Variants in BBIP1 observed in about 807,000 individuals in gnomAD.
BBIP1 encodes BBSome-interacting protein 1.
Under a neutral mutation model 8.9 loss-of-function variants are expected in BBIP1, and 6 were observed. The observed-to-expected ratio is 0.67, with a 90% CI of 0.37 to 1.33. The LOEUF is 1.33. BBIP1 is among the 40% of genes most tolerant of loss of function. BBIP1 has a pLI of 0.02. For synonymous variants in BBIP1, 32 were observed against 33.4 expected (o/e 0.96, Z 0.14); for missense variants, 111 against 109.2 (o/e 1.02, Z -0.07).
chr10:110,905,316 C>T (rs531916081), intron 2 of BBIP1, among the ~76,000 whole-genome samples: 2 of 152,030 alleles, frequency 1.3e-5, no homozygotes, highest in South Asian at 4.2e-4. Flanking sequence ...GTAATCCCAG[C>T]ACTTTGGGAG....
At chr10:110,916,675 C>CT (rs1846410213) in intron 2 of BBIP1, among the ~76,000 whole-genome samples, 1 of 152,210 alleles carries the variant, frequency 6.6e-6, no homozygotes, top group Admixed American at 6.5e-5. Context: ...GCCCACACAT[C>CT]TTTCAACAAT....
chr10:110,910,529 A>T (rs1846250967), intron 2 of BBIP1: 1 of 152,266 alleles, frequency 6.6e-6, no homozygotes, highest in African/African-American at 2.4e-5. Context: ...GGAGATTAGT[A>T]AGGAAGCTAT....
At chr10:110,917,955 T>G (rs1846463095) in intron 2 of BBIP1, 166 bp downstream of exon 2, 3 of 630,182 alleles carry the variant, frequency 4.8e-6, no homozygotes, top group South Asian at 3.9e-5. Context: ...AGATACAGAA[T>G]CACAAAAGGT....
chr10:110,912,147 T>G (rs554090524), intron 2 of BBIP1: 20 of 148,796 alleles, frequency 1.3e-4, no homozygotes, highest in African/African-American at 4.3e-4. Flanking sequence ...ATGTAGCTTT[T>G]CTTTTCTTTT....
chr10:110,902,970 C>G (rs1564690400), intron 2 of BBIP1: 1 of 151,898 alleles, frequency 6.6e-6, no homozygotes, highest in Non-Finnish European at 1.5e-5. Flanking sequence ...ATTGCAGACC[C>G]CCTGATTAGC....
chr10:110,909,248 A>G (rs1378503747), intron 2 of BBIP1, among the ~76,000 whole-genome samples: 1 of 151,710 alleles, frequency 6.6e-6, no homozygotes, highest in East Asian at 1.9e-4. Flanking sequence ...ACCAGGCTGG[A>G]GTGCAGTGGC....
intron 2 of BBIP1, chr10:110,911,638 A>T (rs1846279053): frequency 6.6e-6 from 1 of 151,794 alleles, no homozygotes. Context: ...GTAAAATTAT[A>T]TATTGGGTAC....
At chr10:110,902,258 C>G (rs969288827) in intron 2 of BBIP1, 1 of 153,270 alleles carries the variant, frequency 6.5e-6, no homozygotes, top group African/African-American at 2.4e-5. Flanking sequence ...GCGAAAGGAC[C>G]AACAATATTT....
chr10:110,900,702 T>C (rs1428232117), intron 3 of BBIP1, 176 bp from the exon 4 acceptor site: 21 of 572,094 alleles, frequency 3.7e-5, no homozygotes, highest in Non-Finnish European at 5.9e-5. Context: ...ATAAGCGCAT[T>C]TCTTACTAGT....
At chr10:110,900,687 A>G (rs970619537) in intron 3 of BBIP1, 161 bp from the exon 4 acceptor site, 1 of 618,048 alleles carries the variant, frequency 1.6e-6, no homozygotes, top group Non-Finnish European at 2.7e-6. Flanking sequence ...GATCATTGTC[A>G]TTCTATAAGC....
chr10:110,903,140 A>G (rs1846045823), intron 2 of BBIP1: 1 of 152,242 alleles, frequency 6.6e-6, no homozygotes, highest in Non-Finnish European at 1.5e-5. Flanking sequence ...AAGGAAATAC[A>G]TAGGAGCTAA....
rs1211639143 is a variant in BBIP1, at chr10:110,899,772, G to C, written c.*588C>G. ...AGATGGTGCCATTGCTCTCGTTTGG[G>C]CAACAAGAGTGAAACTCTTGTCTCA... On this transcript the variant is annotated 3_prime_UTR_variant, in exon 4 of 4. Coordinates refer to ENST00000448814, the MANE Select transcript of BBIP1 (RefSeq NM_001195305.3). 1 of 148,270 alleles carries C rather than the reference G, an allele frequency of 6.7e-6. No homozygotes were observed. Among genetic ancestry groups the C allele is most frequent in the Non-Finnish European group, 1.5e-5 (1 of 67,448 alleles). The allele number at this position is 148,270 out of a possible 1,614,324, so 9.2% of individuals were successfully genotyped here.
chr10:110,909,599 T>C (rs1259888957), intron 2 of BBIP1, among the ~76,000 whole-genome samples: 6 of 152,248 alleles, frequency 3.9e-5, no homozygotes, highest in Non-Finnish European at 7.3e-5. Flanking sequence ...CGCTAAGATC[T>C]TCCCTGCACA....
chr10:110,919,087 T>C (rs914444291), intron 1 of BBIP1, 34 bp downstream of exon 1: 4 of 152,798 alleles, frequency 2.6e-5, no homozygotes, highest in Non-Finnish European at 4.4e-5. Context: ...ATGGGATGTG[T>C]GGTCACCCAC....
chr10:110,900,353 T>C lies in BBIP1; in HGVS notation c.*7A>G, dbSNP rs879046499. The C allele has an allele frequency of 1.3e-6, 2 of 1,533,546 alleles. No homozygotes were observed. The highest frequency in any genetic ancestry group is 1.2e-5 in the South Asian group (1 of 83,856). The allele number at this position is 1,533,546 out of a possible 1,614,324, so 95.0% of individuals were successfully genotyped here. The stretch of plus-strand genomic sequence containing the variant: ...GCAGGTTGTTCCCTAAAGTGCTCAG[T>C]TATCATTCAGTGGGTTATTTGCCGT... On this transcript the variant is annotated 3_prime_UTR_variant, in exon 4 of 4. Coordinates refer to ENST00000448814, the MANE Select transcript of BBIP1 (RefSeq NM_001195305.3).
chr10:110,914,590 C>G (rs748621257), intron 2 of BBIP1, among the ~76,000 whole-genome samples: 4 of 152,022 alleles, frequency 2.6e-5, no homozygotes, highest in Non-Finnish European at 4.4e-5. Context: ...CTGGAGATGC[C>G]AAGTAACATA....
chr10:110,911,672 A>G (rs1243252723), intron 2 of BBIP1: 3 of 151,974 alleles, frequency 2.0e-5, no homozygotes, highest in Non-Finnish European at 4.4e-5. Flanking sequence ...ATGAAATTTA[A>G]CAGACTAAAA....
intron 3 of BBIP1, chr10:110,900,822 A>AAT (rs1047810664): frequency 1.7e-4 from 51 of 304,358 alleles, no homozygotes; most frequent in Admixed American, 1.3e-3. Flanking sequence ...GATTTGGCAG[A>AAT]ATATATATAT....
chr10:110,912,695 T>A (rs1359413645), intron 2 of BBIP1, among the ~76,000 whole-genome samples: 1 of 152,208 alleles, frequency 6.6e-6, no homozygotes, highest in African/African-American at 2.4e-5. Context: ...GGGATTCGGA[T>A]GTTTTTAAAA....
Sources: gnomAD v4.1 joint callset for allele counts (sites outside exome capture counted in the v4.1 genomes callset) on GRCh38, gnomAD v4.1.1 for gene constraint, MANE v1.5 for transcripts, NCBI Gene and HGNC (gene_info 2026-07-23, HGNC 2026-07-21) for gene names.